Variants in BBOF1 observed in about 807,000 individuals in gnomAD.
BBOF1 encodes basal body-orientation factor 1.
BBOF1 carries 62 observed loss-of-function variants against 68.0 expected under a neutral mutation model. That is an observed-to-expected ratio of 0.91 (90% CI 0.74 to 1.13). The LOEUF is 1.13. Ranked by LOEUF, BBOF1 falls within the 50% of genes most tolerant of loss-of-function variation. The pLI is 0.00. For synonymous variants in BBOF1, 208 were observed against 198.8 expected (o/e 1.05, Z -0.39); for missense variants, 534 against 600.1 (o/e 0.89, Z 1.15).
chr14:74,024,317 G>A (rs773225804), intron 2 of BBOF1, among the ~76,000 whole-genome samples: 9 of 151,520 alleles, frequency 5.9e-5, no homozygotes, highest in East Asian at 4.0e-4. Context: ...ATAGCCAGGC[G>A]TGGCAGTGTG....
At chr14:74,027,385 CTTTTTTTTT>C (rs35107293) in intron 2 of BBOF1, among the ~76,000 whole-genome samples, 3 of 61,072 alleles carry the variant, frequency 4.9e-5, no homozygotes, top group Admixed American at 3.9e-4. Flanking sequence ...CCTCGCCCAG[CTTTTTTTTT>C]TTTTTTTTTT....
Position 74,055,655 on chromosome 14 carries a change from T to C in BBOF1, c.1358T>C (p.Leu453Pro), listed in dbSNP as rs777451176. The change falls in exon 9 of 12, where the codon CTC becomes CCC. Residue 453 changes from leucine to proline, a missense_variant. Coordinates refer to ENST00000394009, the MANE Select transcript of BBOF1 (RefSeq NM_025057.3). ...CAGAAGGAAAAAGTATTGCGATTGC[T>C]CTTTGCAAAAATGAATGGCTGTCCT... ...WEQKEKVLRLLFAKMNGCPSR... is the reference protein window; with the variant it reads ...WEQKEKVLRLPFAKMNGCPSR... 1.2e-6 allele frequency: 2 copies of C among 1,613,882 alleles called. No individual in the cohort carries two copies. Among genetic ancestry groups the C allele is most frequent in the Non-Finnish European group, 1.7e-6 (2 of 1,179,846 alleles).
At chr14:74,068,084 T>C (rs1417619805), downstream of BBOF1, among the ~76,000 whole-genome samples, 1 of 150,882 alleles carries the variant, frequency 6.6e-6, no homozygotes, top group African/African-American at 2.4e-5. Flanking sequence ...GACCTCTTGA[T>C]GTAGAATTTC....
Position 74,065,441 on chromosome 14 carries a change from C to G in BBOF1, c.*742C>G. ...TATGCTTATTTGGTACTTTCACTTA[C>G]TACACATCATTTACGTGGACAACTT... On this transcript the variant is annotated 3_prime_UTR_variant, in exon 12 of 12. Coordinates refer to ENST00000394009, the MANE Select transcript of BBOF1 (RefSeq NM_025057.3). 1 of 1,258,236 alleles carries G rather than the reference C, an allele frequency of 7.9e-7. No homozygotes were observed. The highest frequency in any genetic ancestry group is 1.5e-5 in the African/African-American group (1 of 67,924). 77.9% of individuals were successfully genotyped at this position (1,258,236 alleles called of 1,614,324 possible). A position where few individuals can be genotyped will look rare whatever the true frequency, so the allele number is the denominator to read the frequency against.
chr14:74,060,647 G>A lies in BBOF1; in HGVS notation c.1578+3389G>A, dbSNP rs367863044. ...AGTCTTAAACAAACTTGTTTCTAACGGCCCATGGTAGGCATGACAACAGCA... is the reference window on the plus strand; with the variant it reads ...AGTCTTAAACAAACTTGTTTCTAACAGCCCATGGTAGGCATGACAACAGCA... On this transcript the variant is annotated intron_variant, in intron 11 of 11. Transcript: ENST00000394009. 4.6e-5 allele frequency: 74 copies of A among 1,607,026 alleles called. No individual in the cohort carries two copies. Among genetic ancestry groups the A allele is most frequent in the Non-Finnish European group, 6.2e-5 (73 of 1,173,732 alleles).
intron 8 of BBOF1, among the ~76,000 whole-genome samples, chr14:74,053,711 C>A (rs1460902818): frequency 6.7e-6 from 1 of 149,456 alleles, no homozygotes; most frequent in Non-Finnish European, 1.5e-5. Flanking sequence ...CTGGCCAAAA[C>A]CTAAACTTTT....
chr14:74,069,147 C>T (rs2060514864), downstream of BBOF1: 1 of 701,800 alleles, frequency 1.4e-6, no homozygotes, highest in African/African-American at 1.9e-5. Flanking sequence ...CTCTGTTGCC[C>T]AGGCTGGAGT....
intron 2 of BBOF1, among the ~76,000 whole-genome samples, chr14:74,028,658 T>C (rs1362316003): frequency 6.6e-6 from 1 of 151,918 alleles, no homozygotes; most frequent in Non-Finnish European, 1.5e-5. Flanking sequence ...GGGGGATCAC[T>C]TGAGCCCATG....
intron 6 of BBOF1, 88 bp from the exon 7 acceptor site, chr14:74,047,841 TG>T: frequency 8.9e-7 from 1 of 1,123,428 alleles, no homozygotes; most frequent in Non-Finnish European, 1.3e-6. Flanking sequence ...TTGATAATAT[TG>T]GGGGTGCAGG....
At chr14:74,072,774 T>C (rs2060568320) in intron 9 of BBOF1, among the ~76,000 whole-genome samples, 1 of 152,148 alleles carries the variant, frequency 6.6e-6, no homozygotes, top group African/African-American at 2.4e-5. Context: ...AGACACATAA[T>C]ATCCCTATCT....
At chr14:74,028,027 A>T (rs1035339636) in intron 2 of BBOF1, among the ~76,000 whole-genome samples, 3 of 152,192 alleles carry the variant, frequency 2.0e-5, no homozygotes, top group African/African-American at 7.2e-5. Context: ...CCTGATCTTT[A>T]TAATTTTATA....
chr14:74,069,104 T>TC (rs1675471483), downstream of BBOF1: 25 of 738,578 alleles, frequency 3.4e-5, no homozygotes, highest in South Asian at 8.4e-5. Flanking sequence ...ACTTTTTCTT[T>TC]TTTTTTTTTT....
At chr14:74,039,281 A>G (rs1033370925) in intron 4 of BBOF1, among the ~76,000 whole-genome samples, 1 of 152,198 alleles carries the variant, frequency 6.6e-6, no homozygotes, top group Non-Finnish European at 1.5e-5. Flanking sequence ...ACATTTTTTC[A>G]ATAGATGCAC....
At chr14:74,029,050 C>G in intron 2 of BBOF1, 134 bp from the exon 3 acceptor site, 2 of 568,106 alleles carry the variant, frequency 3.5e-6, no homozygotes, top group South Asian at 2.0e-5. Flanking sequence ...ATTTCCTGTC[C>G]CCTCTTCTCT....
At chr14:74,067,381 T>C (rs1468437384), downstream of BBOF1, 1 of 1,612,882 alleles carries the variant, frequency 6.2e-7, no homozygotes, top group East Asian at 2.2e-5. Context: ...ATTGATTACC[T>C]GCATTGACTC....
chr14:74,021,925 A>C (rs573211930), intron 1 of BBOF1, among the ~76,000 whole-genome samples: 7 of 152,178 alleles, frequency 4.6e-5, no homozygotes, highest in South Asian at 2.1e-4. Flanking sequence ...AAAAAAAAAA[A>C]ACACACTCAA....
chr14:74,053,905 C>T (rs565451705), intron 8 of BBOF1, among the ~76,000 whole-genome samples: 3 of 151,678 alleles, frequency 2.0e-5, no homozygotes, highest in Non-Finnish European at 4.4e-5. Context: ...ACAGAGTCTT[C>T]GCTCTGTCAC....
chr14:74,046,004 G>C (rs550497091), intron 5 of BBOF1, 56 bp from the exon 6 acceptor site: 1 of 1,448,152 alleles, frequency 6.9e-7, no homozygotes, highest in South Asian at 1.3e-5. Flanking sequence ...ATCTTTTGAT[G>C]AGTAAAATTT....
chr14:74,071,420 G>C, intron 9 of BBOF1: 4 of 1,614,152 alleles, frequency 2.5e-6, no homozygotes, highest in South Asian at 1.1e-5. Flanking sequence ...TAGGAATAAA[G>C]GTCCATGTCT....
Sources: allele counts gnomAD v4.1 joint callset (sites outside exome capture counted in the v4.1 genomes callset), GRCh38; gene constraint gnomAD v4.1.1; transcripts MANE v1.5; gene names NCBI Gene and HGNC (gene_info 2026-07-23, HGNC 2026-07-21).